Variants in MLLT3 observed in about 807,000 individuals in gnomAD.
MLLT3 encodes the protein MLLT3 super elongation complex subunit.
In MLLT3, 4 loss-of-function variants were observed where a neutral mutation model predicts 53.2. That is an observed-to-expected ratio of 0.08 (90% CI 0.04 to 0.17). The LOEUF is 0.17. Ranked by LOEUF, MLLT3 falls within the 10% of genes least tolerant of loss-of-function variation. The pLI, the probability that MLLT3 is intolerant of heterozygous loss-of-function variation, is 1.00. For missense variants in MLLT3, 569 were observed against 684.0 expected (o/e 0.83, Z 1.87); for synonymous variants, 283 against 230.6 (o/e 1.23, Z -2.06).
chr9:20,467,337 T>C (rs759688853), intron 2 of MLLT3, among the ~76,000 whole-genome samples: 3 of 152,126 alleles, frequency 2.0e-5, no homozygotes, highest in Non-Finnish European at 4.4e-5. Context: ...CCCAGCACTT[T>C]GGGAGGCTGA....
intron 4 of MLLT3, among the ~76,000 whole-genome samples, chr9:20,418,616 T>C (rs1563958554): frequency 6.6e-6 from 1 of 152,210 alleles, no homozygotes; most frequent in Admixed American, 6.5e-5. Flanking sequence ...GTTTATTTGT[T>C]TTTTTTAGAG....
intron 2 of MLLT3, among the ~76,000 whole-genome samples, chr9:20,513,143 CCTT>C (rs1380411947): frequency 6.6e-6 from 1 of 152,156 alleles, no homozygotes; most frequent in Non-Finnish European, 1.5e-5. Flanking sequence ...TTCATGAGAT[CCTT>C]CTTCATCCTG....
At chr9:20,570,195 A>G (rs924025731) in intron 2 of MLLT3, among the ~76,000 whole-genome samples, 1 of 91,856 alleles carries the variant, frequency 1.1e-5, no homozygotes, top group Non-Finnish European at 2.2e-5. Flanking sequence ...GAAAAATGCC[A>G]GGATATTATA....
intron 4 of MLLT3, among the ~76,000 whole-genome samples, chr9:20,425,238 T>C (rs1466010675): frequency 6.6e-6 from 1 of 152,154 alleles, no homozygotes; most frequent in Non-Finnish European, 1.5e-5. Context: ...TAAAATGGTA[T>C]AATATGGAGC....
At chr9:20,622,003 G>A (rs372118335) in intron 1 of MLLT3, 10 of 1,393,724 alleles carry the variant, frequency 7.2e-6, no homozygotes, top group African/African-American at 1.5e-5. Context: ...GAGGCGCGGG[G>A]GGTGGAGGGG....
At chr9:20,419,935 A>C (rs1822965385) in intron 4 of MLLT3, among the ~76,000 whole-genome samples, 1 of 152,200 alleles carries the variant, frequency 6.6e-6, no homozygotes, top group South Asian at 2.1e-4. Context: ...CCTCAACATG[A>C]ATTCCTGACA....
intron 5 of MLLT3, among the ~76,000 whole-genome samples, chr9:20,368,347 G>A (rs1160240797): frequency 6.6e-6 from 1 of 152,146 alleles, no homozygotes; most frequent in Non-Finnish European, 1.5e-5. Flanking sequence ...GCCATGAAAA[G>A]TGCCTGCAAA....
intron 5 of MLLT3, chr9:20,380,371 A>AGG (rs1190608256): frequency 6.6e-6 from 1 of 151,980 alleles, no homozygotes; most frequent in Non-Finnish European, 1.5e-5. Flanking sequence ...CAGCATTCTT[A>AGG]GGGGATGGTT....
At chr9:20,594,492 G>A (rs1450460859) in intron 2 of MLLT3, among the ~76,000 whole-genome samples, 2 of 152,164 alleles carry the variant, frequency 1.3e-5, no homozygotes, top group African/African-American at 4.8e-5. Context: ...GGGGCAATAT[G>A]TCAGAGGTGT....
chr9:20,347,590 G>GT (rs1370556333), intron 10 of MLLT3, among the ~76,000 whole-genome samples: 2 of 152,188 alleles, frequency 1.3e-5, no homozygotes, highest in Non-Finnish European at 2.9e-5. Context: ...ACCATGTAAA[G>GT]TATCTTCCCA....
At chr9:20,361,907 T>TA (rs1821333112) in intron 7 of MLLT3, among the ~76,000 whole-genome samples, 1 of 152,226 alleles carries the variant, frequency 6.6e-6, no homozygotes, top group African/African-American at 2.4e-5. Context: ...TCTAGCTCTA[T>TA]AATGTATTCA....
At chr9:20,438,842 G>C (rs949714865) in intron 4 of MLLT3, among the ~76,000 whole-genome samples, 1 of 152,014 alleles carries the variant, frequency 6.6e-6, no homozygotes, top group African/African-American at 2.4e-5. Context: ...TATTTGTAAG[G>C]CCAACTAAAT....
intron 5 of MLLT3, among the ~76,000 whole-genome samples, chr9:20,412,404 G>T (rs1259099366): frequency 6.6e-6 from 1 of 152,194 alleles, no homozygotes; most frequent in East Asian, 1.9e-4. Flanking sequence ...CCAATGTCCA[G>T]TATTTTATAT....
chr9:20,434,241 T>A (rs1823347518), intron 4 of MLLT3, among the ~76,000 whole-genome samples: 1 of 152,096 alleles, frequency 6.6e-6, no homozygotes, highest in African/African-American at 2.4e-5. Flanking sequence ...TGGATGGTTG[T>A]ACTGTAGTTA....
intron 2 of MLLT3, among the ~76,000 whole-genome samples, chr9:20,569,228 G>A (rs1342085848): frequency 1.3e-5 from 2 of 152,054 alleles, no homozygotes; most frequent in African/African-American, 4.8e-5. Flanking sequence ...GCCTCCCATG[G>A]TCTTATTCAC....
At chr9:20,558,627 C>T (rs1221563953) in intron 2 of MLLT3, among the ~76,000 whole-genome samples, 1 of 152,120 alleles carries the variant, frequency 6.6e-6, no homozygotes, top group Admixed American at 6.6e-5. Flanking sequence ...AATACAGATT[C>T]CTGGACCCCT....
At chr9:20,386,380 T>C (rs751634074) in intron 5 of MLLT3, among the ~76,000 whole-genome samples, 25 of 152,300 alleles carry the variant, frequency 1.6e-4, no homozygotes, top group Non-Finnish European at 1.5e-4. Context: ...CCAAGCCTAC[T>C]ACCTCAGAAG....
At chr9:20,372,554 ATTTTTTTTTT>A (rs34889625) in intron 5 of MLLT3, among the ~76,000 whole-genome samples, 16 of 82,228 alleles carry the variant, frequency 1.9e-4, no homozygotes, top group African/African-American at 6.1e-4. Context: ...CGCCCGGCTA[ATTTTTTTTTT>A]TTTTTTTTTT....
chr9:20,574,362 T>A (rs1329684512), intron 2 of MLLT3, among the ~76,000 whole-genome samples: 5 of 152,230 alleles, frequency 3.3e-5, no homozygotes, highest in Non-Finnish European at 7.3e-5. Context: ...ACAAAAGTTC[T>A]GTGAAAAGTC....
Sources: gnomAD v4.1 joint callset for allele counts (sites outside exome capture counted in the v4.1 genomes callset) on GRCh38, gnomAD v4.1.1 for gene constraint, MANE v1.5 for transcripts, NCBI Gene and HGNC (gene_info 2026-07-23, HGNC 2026-07-21) for gene names.